PAK1: variants seen among roughly 807,000 people sequenced by gnomAD.
The protein encoded by PAK1 is serine/threonine-protein kinase PAK 1.
A neutral mutation model predicts 67.4 loss-of-function variants in PAK1; 29 were observed. The observed-to-expected ratio is 0.43, with a 90% CI of 0.32 to 0.59. The LOEUF is 0.59. PAK1 is among the 20% of genes least tolerant of loss of function. The pLI, the probability that PAK1 is intolerant of heterozygous loss-of-function variation, is 0.07. For synonymous variants in PAK1, 223 were observed against 237.4 expected, an observed-to-expected ratio of 0.94 and a Z score of 0.56; for missense variants, 337 against 670.7, an observed-to-expected ratio of 0.50 and a Z score of 5.50.
At chr11:77,344,853 ACATTCAAAGTTCT>A (rs897365537) in intron 9 of PAK1, among the ~76,000 whole-genome samples, 1 of 152,144 alleles carries the variant, frequency 6.6e-6, no homozygotes, top group African/African-American at 2.4e-5. Context: ...TCTCAGTACA[ACATTCAAAGTTCT>A]CATGATCTGG....
At chr11:77,513,216 A>G in the PAK1 span, among the ~76,000 whole-genome samples, 1 of 152,350 alleles carries the variant, frequency 6.6e-6, no homozygotes, top group East Asian at 1.9e-4. Context: ...TCTCATTTGT[A>G]TCATGGCAGT....
the PAK1 span, among the ~76,000 whole-genome samples, chr11:77,491,681 C>T: frequency 6.6e-6 from 1 of 151,706 alleles, no homozygotes; most frequent in Non-Finnish European, 1.5e-5. Context: ...AAATCAAATA[C>T]AACAGATACA....
chr11:77,477,143 C>T (rs1958068558), upstream of PAK1: 1 of 152,158 alleles, frequency 6.6e-6, no homozygotes, highest in African/African-American at 2.4e-5. Context: ...AAACTGTCCA[C>T]CAAAGCTGCA....
chr11:77,369,568 C>T (rs1948134313), intron 5 of PAK1, among the ~76,000 whole-genome samples: 1 of 151,382 alleles, frequency 6.6e-6, no homozygotes, highest in Non-Finnish European at 1.5e-5. Flanking sequence ...CTGCCTCAGC[C>T]TCCCAAGTAG....
the PAK1 span, among the ~76,000 whole-genome samples, chr11:77,527,676 T>C: frequency 6.6e-6 from 1 of 152,300 alleles, no homozygotes; most frequent in Non-Finnish European, 1.5e-5. Context: ...GCTCAGCAGA[T>C]GGGCTTATTA....
chr11:77,523,182 T>A, the PAK1 span, among the ~76,000 whole-genome samples: 1 of 152,114 alleles, frequency 6.6e-6, no homozygotes, highest in Non-Finnish European at 1.5e-5. Context: ...ACGCAATATA[T>A]CCATGGAATA....
intron 5 of PAK1, among the ~76,000 whole-genome samples, chr11:77,366,777 A>G (rs552054941): frequency 2.0e-4 from 31 of 152,354 alleles, no homozygotes; most frequent in African/African-American, 7.2e-4. Context: ...AGCACTGTGG[A>G]AAAAAGTCTG....
At chr11:77,375,319 T>G (rs1269202610) in intron 4 of PAK1, among the ~76,000 whole-genome samples, 1 of 152,244 alleles carries the variant, frequency 6.6e-6, no homozygotes, top group Non-Finnish European at 1.5e-5. Flanking sequence ...GAGTCATCCA[T>G]GCCAAAACAT....
chr11:77,507,905 T>C, the PAK1 span, among the ~76,000 whole-genome samples: 491 of 152,312 alleles, frequency 3.2e-3, 3 homozygotes, highest in African/African-American at 0.011. Context: ...CAAGAGTATA[T>C]AATGATGAAT....
chr11:77,412,961 ACTAGTAGTGCCT>A (rs779118318), intron 1 of PAK1, among the ~76,000 whole-genome samples: 1 of 152,202 alleles, frequency 6.6e-6, no homozygotes, highest in African/African-American at 2.4e-5. Context: ...CACGGCCCAG[ACTAGTAGTGCCT>A]CTAGTAGTGC....
chr11:77,529,758 TTCCAAGAAAAGAAAAAA>T, the PAK1 span, among the ~76,000 whole-genome samples: 4 of 152,120 alleles, frequency 2.6e-5, no homozygotes, highest in Non-Finnish European at 4.4e-5. Flanking sequence ...GGGGAGGGCA[TTCCAAGAAAAGAAAAAA>T]CCCATACAAA....
rs116706253 is a variant in PAK1, at chr11:77,398,819, G to C, written c.-21-6278C>G. Among the ~76,000 whole-genome samples, 365 of 152,244 alleles carry C rather than the reference G, an allele frequency of 2.4e-3. 3 individuals carry two copies. Among genetic ancestry groups the C allele is most frequent in the African/African-American group, 8.4e-3 (347 of 41,528 alleles). Reference sequence around the variant, plus strand: ...GATTTTCCAACTATACTGTTCTTGAGGTAATTCTAGCCCCTTTGTGTTCCG... The same window carrying C: ...GATTTTCCAACTATACTGTTCTTGACGTAATTCTAGCCCCTTTGTGTTCCG... On this transcript the variant is annotated intron_variant, in intron 1 of 14. Transcript: ENST00000356341.
chr11:77,495,756 G>A, the PAK1 span, among the ~76,000 whole-genome samples: 1 of 152,134 alleles, frequency 6.6e-6, no homozygotes, highest in Non-Finnish European at 1.5e-5. Context: ...AATGAACCTT[G>A]GCAATATTAT....
chr11:77,509,662 C>T, the PAK1 span, among the ~76,000 whole-genome samples: 1 of 152,164 alleles, frequency 6.6e-6, no homozygotes, highest in Admixed American at 6.6e-5. Flanking sequence ...CGGGTGGATC[C>T]CTTATGGTTT....
At chr11:77,516,429 C>A in the PAK1 span, among the ~76,000 whole-genome samples, 1 of 152,056 alleles carries the variant, frequency 6.6e-6, no homozygotes, top group African/African-American at 2.4e-5. Context: ...AGTAACACAA[C>A]CTATCTCAAA....
chr11:77,423,667 A>G (rs1220930464), intron 1 of PAK1, among the ~76,000 whole-genome samples: 1 of 152,230 alleles, frequency 6.6e-6, no homozygotes, highest in Non-Finnish European at 1.5e-5. Context: ...ATTATTAGTT[A>G]AAGTAGGGGT....
chr11:77,394,784 G>T (rs894805093), intron 1 of PAK1, among the ~76,000 whole-genome samples: 4 of 152,204 alleles, frequency 2.6e-5, no homozygotes, highest in Non-Finnish European at 5.9e-5. Flanking sequence ...GGCAGAGGTT[G>T]CAGTGAGCTG....
chr11:77,468,957 T>C (rs977166414), intron 1 of PAK1, among the ~76,000 whole-genome samples: 14 of 152,242 alleles, frequency 9.2e-5, no homozygotes, highest in Admixed American at 2.0e-4. Context: ...GTTACGAAGA[T>C]TGAACAAAAT....
intron 1 of PAK1, among the ~76,000 whole-genome samples, chr11:77,460,266 C>T (rs1189452223): frequency 6.7e-6 from 1 of 149,858 alleles, no homozygotes; most frequent in African/African-American, 2.4e-5. Context: ...GCCAGCCAGC[C>T]AGCCATTGAG....
Sources: allele counts gnomAD v4.1 joint callset (sites outside exome capture counted in the v4.1 genomes callset), GRCh38; gene constraint gnomAD v4.1.1; transcripts MANE v1.5; gene names NCBI Gene and HGNC (gene_info 2026-07-23, HGNC 2026-07-21).